PPP3CA: variants seen among roughly 807,000 people sequenced by gnomAD.
PPP3CA encodes protein phosphatase 3 catalytic subunit alpha.
PPP3CA carries 14 observed loss-of-function variants against 66.5 expected under a neutral mutation model. That is an observed-to-expected ratio of 0.21 (90% CI 0.14 to 0.33). The LOEUF is 0.33. PPP3CA is among the 10% of genes least tolerant of loss of function. The pLI is 1.00. For missense variants in PPP3CA, 317 were observed against 639.5 expected, an observed-to-expected ratio of 0.50 and a Z score of 5.44; for synonymous variants, 232 against 226.2, an observed-to-expected ratio of 1.03 and a Z score of -0.23.
intron 10 of PPP3CA, among the ~76,000 whole-genome samples, chr4:101,056,099 C>G (rs1011404702): frequency 1.3e-5 from 2 of 152,084 alleles, no homozygotes; most frequent in Non-Finnish European, 2.9e-5. Flanking sequence ...GACAACCAAG[C>G]AGACATTAGT....
chr4:101,224,984 C>T (rs1347327066), intron 1 of PPP3CA, among the ~76,000 whole-genome samples: 5 of 151,702 alleles, frequency 3.3e-5, no homozygotes, highest in Non-Finnish European at 7.4e-5. Flanking sequence ...CTCTCCTCTC[C>T]GAAATTCCCA....
At chr4:101,265,145 G>A (rs1727131263) in intron 1 of PPP3CA, among the ~76,000 whole-genome samples, 1 of 152,182 alleles carries the variant, frequency 6.6e-6, no homozygotes, top group Admixed American at 6.5e-5. Context: ...GTTTTCCAGA[G>A]TCTCCCTCTG....
intron 1 of PPP3CA, among the ~76,000 whole-genome samples, chr4:101,243,773 TA>T (rs777414865): frequency 2.0e-5 from 3 of 152,174 alleles, no homozygotes; most frequent in Non-Finnish European, 2.9e-5. Context: ...GGCCAGGAGT[TA>T]AACATCTCAG....
At chr4:101,213,614 C>T (rs1725371622) in intron 1 of PPP3CA, among the ~76,000 whole-genome samples, 1 of 152,104 alleles carries the variant, frequency 6.6e-6, no homozygotes, top group African/African-American at 2.4e-5. Context: ...ATATGCTTTA[C>T]ATTTTTTAAC....
chr4:101,108,868 TA>T, intron 3 of PPP3CA, 85 bp downstream of exon 3: 2 of 1,321,882 alleles, frequency 1.5e-6, no homozygotes, highest in East Asian at 2.4e-5. Flanking sequence ...GAGGTTTCCA[TA>T]AGGCAATAAC....
At chr4:101,067,467 C>T (rs1396264003) in intron 8 of PPP3CA, among the ~76,000 whole-genome samples, 1 of 151,640 alleles carries the variant, frequency 6.6e-6, no homozygotes, top group African/African-American at 2.4e-5. Flanking sequence ...AAGCCATGTA[C>T]TAAGTTGCCT....
chr4:101,254,971 G>A (rs1456254366), intron 1 of PPP3CA, among the ~76,000 whole-genome samples: 1 of 145,514 alleles, frequency 6.9e-6, no homozygotes, highest in African/African-American at 2.5e-5. Context: ...GAAATGAGTA[G>A]TATGTGAACG....
intron 12 of PPP3CA, among the ~76,000 whole-genome samples, chr4:101,030,626 C>G (rs562355925): frequency 5.9e-5 from 9 of 151,922 alleles, no homozygotes; most frequent in Non-Finnish European, 1.0e-4. Context: ...AGTAAAAACA[C>G]AAGTGAAAAT....
chr4:101,347,149 C>G lies in PPP3CA; in HGVS notation c.-353G>C, dbSNP rs1041340166. The G allele has an allele frequency of 1.4e-4, 58 of 422,600 alleles. No individual in the cohort carries two copies. Among genetic ancestry groups the G allele is most frequent in the Non-Finnish European group, 2.2e-4 (51 of 232,248 alleles). The allele number at this position is 422,600 out of a possible 1,614,324, so 26.2% of individuals were successfully genotyped here. ...GAGGAGAAGCGCACACACGAGCACCCACCCCGGCACGGAGACCCAGCACCG... is the reference window on the plus strand; with the variant it reads ...GAGGAGAAGCGCACACACGAGCACCGACCCCGGCACGGAGACCCAGCACCG... On this transcript the variant is annotated 5_prime_UTR_variant, in exon 1 of 14. Coordinates refer to ENST00000394854, the MANE Select transcript of PPP3CA (RefSeq NM_000944.5).
chr4:101,291,282 G>C (rs1728015168), intron 1 of PPP3CA, among the ~76,000 whole-genome samples: 1 of 152,160 alleles, frequency 6.6e-6, no homozygotes, highest in South Asian at 2.1e-4. Flanking sequence ...AAAAAGTCAA[G>C]AGTTGCTGTG....
At chr4:101,088,949 A>G (rs1004873385) in intron 6 of PPP3CA, among the ~76,000 whole-genome samples, 11 of 152,236 alleles carry the variant, frequency 7.2e-5, no homozygotes, top group African/African-American at 2.7e-4. Context: ...GAGAATGAAC[A>G]GTAAACAAAA....
chr4:101,223,999 G>A (rs1471952899), intron 1 of PPP3CA, among the ~76,000 whole-genome samples: 1 of 151,264 alleles, frequency 6.6e-6, no homozygotes, highest in Non-Finnish European at 1.5e-5. Flanking sequence ...CAAAATTTGG[G>A]GCTAATTAGC....
At chr4:101,173,412 T>C (rs565500216) in intron 2 of PPP3CA, among the ~76,000 whole-genome samples, 3 of 152,260 alleles carry the variant, frequency 2.0e-5, no homozygotes, top group African/African-American at 4.8e-5. Context: ...GCTTTTTTTT[T>C]CAAACAGCAA....
At chr4:101,026,266 T>C (rs1258377696) in intron 13 of PPP3CA, among the ~76,000 whole-genome samples, 1 of 152,178 alleles carries the variant, frequency 6.6e-6, no homozygotes, top group Non-Finnish European at 1.5e-5. Flanking sequence ...CCAATGTCTC[T>C]TGCCAACCAA....
chr4:101,029,347 TAAAAAAAAA>T (rs34620032), intron 12 of PPP3CA, 152 bp from the exon 13 acceptor site: 4 of 79,464 alleles, frequency 5.0e-5, no homozygotes, highest in African/African-American at 7.1e-5. Context: ...ACAGAAATGC[TAAAAAAAAA>T]AAAAAAAAAA....
intron 9 of PPP3CA, among the ~76,000 whole-genome samples, chr4:101,061,429 G>A (rs1277706816): frequency 6.6e-6 from 1 of 152,072 alleles, no homozygotes; most frequent in Non-Finnish European, 1.5e-5. Flanking sequence ...ATATGTGGAT[G>A]TGAATATACT....
chr4:101,214,883 G>A (rs1273403308), intron 1 of PPP3CA, among the ~76,000 whole-genome samples: 3 of 152,048 alleles, frequency 2.0e-5, no homozygotes, highest in Admixed American at 2.0e-4. Flanking sequence ...AATTAGCGAG[G>A]TCAATTTTCC....
chr4:101,165,811 A>T (rs932019483), intron 2 of PPP3CA, among the ~76,000 whole-genome samples: 2 of 152,176 alleles, frequency 1.3e-5, no homozygotes, highest in African/African-American at 4.8e-5. Context: ...TGGTAGTGAC[A>T]TCCAGGCCAT....
At chr4:101,341,228 A>C (rs1729806265) in intron 1 of PPP3CA, among the ~76,000 whole-genome samples, 1 of 141,750 alleles carries the variant, frequency 7.1e-6, no homozygotes, top group Admixed American at 7.2e-5. Flanking sequence ...TTTTTAAGAG[A>C]TATGGTCTTG....
Sources: allele counts gnomAD v4.1 joint callset (sites outside exome capture counted in the v4.1 genomes callset), GRCh38; gene constraint gnomAD v4.1.1; transcripts MANE v1.5; gene names NCBI Gene and HGNC (gene_info 2026-07-23, HGNC 2026-07-21).